The following HTR1F variants were observed in gnomAD, a reference collection of about 807,000 sequenced individuals.
HTR1F encodes 5-hydroxytryptamine receptor 1F, also known as 5-hydroxytryptamine (serotonin) receptor 1F, G protein-coupled.
Under a neutral mutation model 24.0 loss-of-function variants are expected in HTR1F, and 17 were observed. The observed-to-expected ratio is 0.71, with a 90% confidence interval of 0.48 to 1.06. HTR1F has a LOEUF of 1.06. HTR1F is among the 50% of genes least tolerant of loss of function. HTR1F has a pLI of 0.00. For missense variants in HTR1F, 391 were observed against 427.8 expected (o/e 0.91, Z 0.76); for synonymous variants, 186 against 156.8 (o/e 1.19, Z -1.39).
At position 87,992,382 on chromosome 3, in the gene HTR1F, C is replaced by T. The variant is rs1215976961; in HGVS notation, c.*532C>T. 1 of 166,990 alleles carries T rather than the reference C, an allele frequency of 6.0e-6. No homozygotes were observed. Among genetic ancestry groups the T allele is most frequent in the African/African-American group, 2.4e-5 (1 of 41,424 alleles). The allele number at this position is 166,990 out of a possible 1,614,324, so 10.3% of individuals were successfully genotyped here. ...GAGCAACTCTTACTTAGTGTGACTGCAGAAAATGTAAAAAAGTCAGAGCTT... is the reference window on the plus strand; with the variant it reads ...GAGCAACTCTTACTTAGTGTGACTGTAGAAAATGTAAAAAAGTCAGAGCTT... On this transcript the variant is annotated 3_prime_UTR_variant, in exon 3 of 3. Coordinates refer to ENST00000319595, the MANE Select transcript of HTR1F (RefSeq NM_001322209.2).
intron 1 of HTR1F, among the ~76,000 whole-genome samples, chr3:87,817,032 A>C (rs1704262141): frequency 6.6e-6 from 1 of 152,142 alleles, no homozygotes; most frequent in Non-Finnish European, 1.5e-5. Context: ...AAAACAGACC[A>C]ATTTGAATGT....
chr3:87,982,402 A>G (rs896083973), intron 2 of HTR1F, among the ~76,000 whole-genome samples: 10 of 152,258 alleles, frequency 6.6e-5, no homozygotes, highest in Admixed American at 5.2e-4. Flanking sequence ...AGAATTATGC[A>G]TATGACATTT....
intron 2 of HTR1F, among the ~76,000 whole-genome samples, chr3:87,846,484 A>G (rs1704947419): frequency 6.6e-6 from 1 of 151,976 alleles, no homozygotes; most frequent in Non-Finnish European, 1.5e-5. Flanking sequence ...GAAATAGAAT[A>G]CCAACTTTAT....
At chr3:87,828,418 C>T (rs1282120340) in intron 2 of HTR1F, among the ~76,000 whole-genome samples, 1 of 152,188 alleles carries the variant, frequency 6.6e-6, no homozygotes, top group Non-Finnish European at 1.5e-5. Flanking sequence ...TTGTCCACAA[C>T]AACAGGGAAT....
chr3:87,941,540 G>A (rs143637685), intron 2 of HTR1F, among the ~76,000 whole-genome samples: 195 of 152,264 alleles, frequency 1.3e-3, no homozygotes, highest in African/African-American at 4.0e-3. Context: ...ACTTAGCCCC[G>A]TACTGAAGGA....
chr3:87,912,286 C>T lies in HTR1F; in HGVS notation c.-42-78422C>T, dbSNP rs1291845021. 6.0e-5 allele frequency among the ~76,000 whole-genome samples: 9 copies of T among 150,746 alleles called. No individual in the cohort carries two copies. The East Asian group carries it at 1.4e-3, about 23-fold the overall frequency. On this transcript the variant is annotated intron_variant, in intron 2 of 2. Transcript: ENST00000319595. ...TGTTATAAACCAACGACAGCCAAGA[C>T]GAAAGTCAAATCAGGAAGGCAGTCT... is the stretch of plus-strand genomic sequence containing the variant.
At chr3:87,923,162 T>A (rs530477139) in intron 2 of HTR1F, among the ~76,000 whole-genome samples, 52 of 152,206 alleles carry the variant, frequency 3.4e-4, no homozygotes, top group Admixed American at 8.5e-4. Flanking sequence ...TTTTGGTTAC[T>A]ATAGCTTTTT....
intron 2 of HTR1F, among the ~76,000 whole-genome samples, chr3:87,974,706 A>T (rs1305383009): frequency 6.6e-6 from 1 of 152,196 alleles, no homozygotes; most frequent in African/African-American, 2.4e-5. Flanking sequence ...GAACTAAATA[A>T]ATGTTTGCAG....
At chr3:87,906,453 A>G (rs531250543) in intron 2 of HTR1F, among the ~76,000 whole-genome samples, 156 of 152,248 alleles carry the variant, frequency 1.0e-3, no homozygotes, top group Non-Finnish European at 1.8e-3. Context: ...TGAAATAAAA[A>G]TCTTTTCTTG....
intron 1 of HTR1F, among the ~76,000 whole-genome samples, chr3:87,798,971 G>A (rs1447180790): frequency 6.6e-6 from 1 of 152,006 alleles, no homozygotes; most frequent in African/African-American, 2.4e-5. Flanking sequence ...TCCATTTTAT[G>A]TTTTGGTCAA....
At chr3:87,824,126 A>T (rs2932308) in intron 2 of HTR1F, among the ~76,000 whole-genome samples, 9,897 of 152,004 alleles carry the variant, frequency 0.065, 1,002 homozygotes, top group African/African-American at 0.22. Context: ...TCTTACTTAG[A>T]TATCAAAGAG....
intron 2 of HTR1F, among the ~76,000 whole-genome samples, chr3:87,877,531 G>A (rs931088951): frequency 6.6e-6 from 1 of 152,084 alleles, no homozygotes; most frequent in African/African-American, 2.4e-5. Flanking sequence ...ATTACAATGT[G>A]CTAAGCACTT....
intron 2 of HTR1F, among the ~76,000 whole-genome samples, chr3:87,964,439 T>C (rs1705123300): frequency 6.6e-6 from 1 of 152,158 alleles, no homozygotes. Flanking sequence ...TTTTTTGAAA[T>C]TCCTTTTGCT....
At chr3:87,853,163 A>G (rs1237500651) in intron 2 of HTR1F, among the ~76,000 whole-genome samples, 1 of 149,798 alleles carries the variant, frequency 6.7e-6, no homozygotes, top group Non-Finnish European at 1.5e-5. Flanking sequence ...ATTTTGTCAC[A>G]CAGGTATTAA....
intron 2 of HTR1F, among the ~76,000 whole-genome samples, chr3:87,942,308 C>T (rs1029147841): frequency 2.0e-5 from 3 of 152,014 alleles, no homozygotes; most frequent in Non-Finnish European, 4.4e-5. Context: ...TCCTAGGACC[C>T]CTCAGATAGT....
intron 1 of HTR1F, among the ~76,000 whole-genome samples, chr3:87,810,731 G>A (rs1704145749): frequency 2.0e-5 from 3 of 152,070 alleles, no homozygotes; most frequent in Admixed American, 6.6e-5. Flanking sequence ...TCTTTTACTG[G>A]TGTATAAATT....
intron 2 of HTR1F, among the ~76,000 whole-genome samples, chr3:87,917,772 C>T (rs1559630916): frequency 6.6e-6 from 1 of 151,914 alleles, no homozygotes; most frequent in Non-Finnish European, 1.5e-5. Context: ...GGATTCACAG[C>T]TAAATTCTAC....
At chr3:87,942,345 G>A (rs1417008626) in intron 2 of HTR1F, among the ~76,000 whole-genome samples, 5 of 152,156 alleles carry the variant, frequency 3.3e-5, no homozygotes, top group African/African-American at 7.2e-5. Context: ...AGTTGTCCGG[G>A]ACAGGAGAGT....
chr3:87,928,676 G>A (rs1029770400), intron 2 of HTR1F, among the ~76,000 whole-genome samples: 1 of 151,990 alleles, frequency 6.6e-6, no homozygotes, highest in Non-Finnish European at 1.5e-5. Flanking sequence ...CCTACTTTAC[G>A]TTTTGGTTTT....
Sources: allele counts gnomAD v4.1 joint callset (sites outside exome capture counted in the v4.1 genomes callset), GRCh38; gene constraint gnomAD v4.1.1; transcripts MANE v1.5; gene names NCBI Gene and HGNC (gene_info 2026-07-23, HGNC 2026-07-21).